Variants in ABCG2 observed in about 807,000 individuals in gnomAD.
The protein encoded by ABCG2 is ATP binding cassette subfamily G member 2 (JR blood group), also known as broad substrate specificity ATP-binding cassette transporter ABCG2.
ABCG2 carries 80 observed loss-of-function variants against 73.5 expected under a neutral mutation model. The ratio of observed to expected loss-of-function variants is 1.09; its 90% CI spans 0.91 to 1.31. ABCG2 has a LOEUF of 1.31. Among genes scored for constraint, ABCG2 ranks in the 50% most tolerant of loss-of-function variants. The pLI, the probability that ABCG2 is intolerant of heterozygous loss-of-function variation, is 0.00. For missense variants in ABCG2, 796 were observed against 786.2 expected, an observed-to-expected ratio of 1.01 and a Z score of -0.15; for synonymous variants, 269 against 282.4, an observed-to-expected ratio of 0.95 and a Z score of 0.48.
At chr4:88,191,229 G>A (rs1308710174) in intron 1 of ABCG2, among the ~76,000 whole-genome samples, 16 of 134,834 alleles carry the variant, frequency 1.2e-4, no homozygotes, top group South Asian at 2.8e-4. Flanking sequence ...CCAAGATCGC[G>A]CCAGTGCACT....
chr4:88,213,231 G>T (rs1578283237), intron 1 of ABCG2, among the ~76,000 whole-genome samples: 1 of 152,272 alleles, frequency 6.6e-6, no homozygotes, highest in Admixed American at 6.5e-5. Flanking sequence ...TCTTGATCAA[G>T]AATCTCAATG....
chr4:88,158,862 G>T, upstream of ABCG2: 1 of 333,894 alleles, frequency 3.0e-6, no homozygotes, highest in South Asian at 2.2e-5. Context: ...GCGCTGACAC[G>T]AACTTCCTAA....
intron 1 of ABCG2, among the ~76,000 whole-genome samples, chr4:88,192,177 T>C (rs1339007329): frequency 3.8e-5 from 3 of 79,420 alleles, no homozygotes; most frequent in South Asian, 6.9e-4. Flanking sequence ...CAAAACTCTG[T>C]GTCAAGAAAA....
rs554775093 is a variant in ABCG2 at position 88,222,636 on chromosome 4, G to T, written c.-20+8358C>A. ...GCCTTTGTAAATTGCCCAGTTTCGG[G>T]TATGTCTTTATCAGCAGTGTGAAAA... is the stretch of plus-strand genomic sequence containing the variant. On this transcript the variant is annotated intron_variant, in intron 1 of 15. Transcript: ENST00000515655. 2.0e-5 allele frequency among the ~76,000 whole-genome samples: 3 copies of T among 152,292 alleles called. No individual in the cohort carries two copies. In the East Asian group the frequency reaches 5.8e-4, roughly 29 times the overall value.
intron 1 of ABCG2, among the ~76,000 whole-genome samples, chr4:88,153,715 G>A (rs1323319739): frequency 6.6e-6 from 1 of 152,034 alleles, no homozygotes; most frequent in Non-Finnish European, 1.5e-5. Flanking sequence ...AGACCCTGTG[G>A]GAAAGGCCTC....
At chr4:88,176,006 A>C (rs1026683417) in intron 1 of ABCG2, among the ~76,000 whole-genome samples, 4 of 152,200 alleles carry the variant, frequency 2.6e-5, no homozygotes, top group Non-Finnish European at 5.9e-5. Context: ...AATCCTCCAT[A>C]TATAACAACC....
chr4:88,111,870 C>T (rs560912069), intron 9 of ABCG2, among the ~76,000 whole-genome samples: 59 of 152,134 alleles, frequency 3.9e-4, no homozygotes, highest in Non-Finnish European at 7.5e-4. Context: ...GCAGGAGGAT[C>T]GCTTGAGCCC....
chr4:88,167,624 C>G (rs942401180), intron 1 of ABCG2, among the ~76,000 whole-genome samples: 3 of 152,144 alleles, frequency 2.0e-5, no homozygotes, highest in Non-Finnish European at 4.4e-5. Flanking sequence ...ATCCACCCAC[C>G]TTGGCCTCCC....
chr4:88,147,554 G>C (rs112892865), intron 1 of ABCG2, among the ~76,000 whole-genome samples: 1 of 152,200 alleles, frequency 6.6e-6, no homozygotes, highest in Non-Finnish European at 1.5e-5. Context: ...CTCTACAGAG[G>C]CTGGCTATCA....
At chr4:88,220,535 G>GAA (rs533192207) in intron 1 of ABCG2, 100 of 152,602 alleles carry the variant, frequency 6.6e-4, no homozygotes, top group African/African-American at 2.3e-3. Flanking sequence ...TGTTTATTGG[G>GAA]GTGGCTTCCC....
chr4:88,200,841 G>A (rs1195660610), intron 1 of ABCG2, among the ~76,000 whole-genome samples: 1 of 152,160 alleles, frequency 6.6e-6, no homozygotes, highest in Admixed American at 6.6e-5. Flanking sequence ...TGATCTAACA[G>A]ATAACTGGTT....
At chr4:88,180,853 A>G (rs1485348540) in intron 1 of ABCG2, among the ~76,000 whole-genome samples, 3 of 152,332 alleles carry the variant, frequency 2.0e-5, no homozygotes, top group East Asian at 1.9e-4. Flanking sequence ...TAATAAGTAC[A>G]CAGAAAACCA....
At chr4:88,194,549 CAAAAAAAAAAAAAAAAAAAA>C (rs58945293) in intron 1 of ABCG2, among the ~76,000 whole-genome samples, 2 of 52,592 alleles carry the variant, frequency 3.8e-5, no homozygotes, top group East Asian at 5.9e-4. Flanking sequence ...GACTCCGTCT[CAAAAAAAAAAAAAAAAAAAA>C]AAAAAAAAAA....
In ABCG2 at chr4:88,224,253, G is replaced by C. The variant is rs141678006; in HGVS notation, c.-20+6741C>G. 1.0e-3 allele frequency among the ~76,000 whole-genome samples: 156 copies of C among 152,146 alleles called. 2 individuals are homozygous for C. In the East Asian group the frequency reaches 0.028, roughly 28 times the overall value. On this transcript the variant is annotated intron_variant, in intron 1 of 15. Coordinates refer to the ABCG2 transcript ENST00000515655. ...TCACTTGAGCTCAGCCTGGGCAACA[G>C]AGCAAAACCCCTTCTCTACTAAAAA...
intron 1 of ABCG2, among the ~76,000 whole-genome samples, chr4:88,203,440 T>C (rs1375703957): frequency 6.6e-6 from 1 of 152,182 alleles, no homozygotes; most frequent in Non-Finnish European, 1.5e-5. Context: ...TGTTCGAATA[T>C]TGGAGCTTAA....
At chr4:88,185,834 G>C (rs2904182) in intron 1 of ABCG2, among the ~76,000 whole-genome samples, 151,429 of 152,336 alleles carry the variant, frequency 0.99, 75,268 homozygotes, top group East Asian at 1. Context: ...CAGTTTTTAT[G>C]CAAAAGACAG....
At chr4:88,228,519 C>A (rs2110136202) in intron 1 of ABCG2, among the ~76,000 whole-genome samples, 1 of 152,344 alleles carries the variant, frequency 6.6e-6, no homozygotes, top group South Asian at 2.1e-4. Context: ...TCTGATCAGT[C>A]AGTGCTTATG....
upstream of ABCG2, chr4:88,159,199 C>T (rs2231134): frequency 2.2e-6 from 1 of 456,314 alleles, no homozygotes; most frequent in Admixed American, 2.3e-5. Context: ...TTGGGCTGAT[C>T]AGTACCTCGT....
chr4:88,206,305 A>G (rs1472536732), intron 1 of ABCG2: 1 of 152,182 alleles, frequency 6.6e-6, no homozygotes, highest in Non-Finnish European at 1.5e-5. Flanking sequence ...AAATGAATCA[A>G]GTCCAAACTC....
Sources: allele counts gnomAD v4.1 joint callset (sites outside exome capture counted in the v4.1 genomes callset), GRCh38; gene constraint gnomAD v4.1.1; transcripts MANE v1.5; gene names NCBI Gene and HGNC (gene_info 2026-07-23, HGNC 2026-07-21).